Variants in STOX2 observed in about 807,000 individuals in gnomAD.
The protein encoded by STOX2 is storkhead box 2.
In STOX2, 28 loss-of-function variants were observed where a neutral mutation model predicts 60.9. The observed-to-expected ratio is 0.46, with a 90% CI of 0.34 to 0.63. The LOEUF (loss-of-function observed/expected upper bound fraction) is 0.63, where lower values mean the gene tolerates loss of function less well. Ranked by LOEUF, STOX2 falls within the 30% of genes least tolerant of loss-of-function variation. The pLI, the probability that STOX2 is intolerant of heterozygous loss-of-function variation, is 0.01. For missense variants in STOX2, 1,024 were observed against 1,187.7 expected, an observed-to-expected ratio of 0.86 and a Z score of 2.03; for synonymous variants, 472 against 463.9, an observed-to-expected ratio of 1.02 and a Z score of -0.22.
chr4:183,997,361 G>A (rs1733386101), intron 1 of STOX2, among the ~76,000 whole-genome samples: 1 of 152,214 alleles, frequency 6.6e-6, no homozygotes, highest in Admixed American at 6.5e-5. Flanking sequence ...GTCGTGAGTG[G>A]CAAGTAAGGA....
intron 1 of STOX2, among the ~76,000 whole-genome samples, chr4:183,838,883 C>T (rs1387753761): frequency 6.6e-6 from 1 of 152,206 alleles, no homozygotes; most frequent in Non-Finnish European, 1.5e-5. Context: ...TTGCAGAAGT[C>T]TTCACTTTGG....
intron 1 of STOX2, among the ~76,000 whole-genome samples, chr4:183,957,552 A>C (rs1743286801): frequency 6.6e-6 from 1 of 152,076 alleles, no homozygotes; most frequent in Non-Finnish European, 1.5e-5. Flanking sequence ...GCCATAATGG[A>C]CTCATGGATT....
intron 1 of STOX2, among the ~76,000 whole-genome samples, chr4:183,918,631 T>C (rs1742000595): frequency 6.6e-6 from 1 of 152,218 alleles, no homozygotes; most frequent in Non-Finnish European, 1.5e-5. Flanking sequence ...GTAGGCTCTC[T>C]CCTGCCAACC....
intron 1 of STOX2, among the ~76,000 whole-genome samples, chr4:183,943,363 T>G (rs184358435): frequency 2.2e-4 from 33 of 152,356 alleles, no homozygotes; most frequent in Admixed American, 2.2e-3. Context: ...ATAGTTTTTC[T>G]AGAATAAATC....
intron 1 of STOX2, among the ~76,000 whole-genome samples, chr4:183,898,851 G>A (rs1579388594): frequency 6.6e-6 from 1 of 152,188 alleles, no homozygotes; most frequent in African/African-American, 2.4e-5. Flanking sequence ...TTAGCAAGAA[G>A]AAAAATGTGT....
chr4:183,906,906 G>A lies in STOX2; in HGVS notation c.116G>A (p.Arg39His), dbSNP rs1741633402. 1.5e-5 allele frequency: 23 copies of A among 1,550,120 alleles called. No individual in the cohort carries two copies. The highest frequency in any genetic ancestry group is 1.8e-5 in the Non-Finnish European group (21 of 1,146,186). The change falls in exon 1 of 4, where the codon CGT becomes CAT. Residue 39 changes from arginine to histidine, a missense_variant. Physicochemically the swap from Arg to His is conservative, Grantham distance 29. Around this residue, in one of 3 missense-constraint regions of STOX2, gnomAD observed 98 missense variants for 110.2 expected, o/e 0.89. Transcript: ENST00000308497. ...RSEKDYRLHK[R>H]FPAAFAPQAS... ...GAGAAGGACTACCGCCTGCACAAGCGTTTCCCCGCGGCCTTCGCGCCCCAG... is the reference window on the plus strand; with the variant it reads ...GAGAAGGACTACCGCCTGCACAAGCATTTCCCCGCGGCCTTCGCGCCCCAG...
At chr4:183,892,410 C>T (rs1025494561) in intron 1 of STOX2, among the ~76,000 whole-genome samples, 3 of 152,146 alleles carry the variant, frequency 2.0e-5, no homozygotes, top group Non-Finnish European at 4.4e-5. Context: ...TCCCGAGTAG[C>T]TGGGACTATG....
At chr4:183,989,085 C>T (rs1246401486) in intron 1 of STOX2, among the ~76,000 whole-genome samples, 1 of 152,096 alleles carries the variant, frequency 6.6e-6, no homozygotes, top group Non-Finnish European at 1.5e-5. Flanking sequence ...AATCAGACTG[C>T]CCCAGATTTC....
At chr4:183,975,649 T>C (rs1028504319) in intron 1 of STOX2, among the ~76,000 whole-genome samples, 3 of 152,176 alleles carry the variant, frequency 2.0e-5, no homozygotes, top group African/African-American at 7.2e-5. Context: ...ATAAATTCAA[T>C]GTATAATTAG....
chr4:183,831,452 TTA>T (rs1372363736), intron 1 of STOX2, among the ~76,000 whole-genome samples: 6 of 151,872 alleles, frequency 4.0e-5, no homozygotes, highest in African/African-American at 1.5e-4. Context: ...ACCATGAACA[TTA>T]GTTCATGAAC....
chr4:183,904,789 C>A (rs1741542697), upstream of STOX2, among the ~76,000 whole-genome samples: 2 of 152,312 alleles, frequency 1.3e-5, no homozygotes, highest in South Asian at 2.1e-4. Flanking sequence ...ATAGTTGCTA[C>A]CCCCCTCAAA....
In STOX2 at chr4:183,811,517, T is replaced by A. The variant is rs537577620; in HGVS notation, c.364+13462T>A. Among the ~76,000 whole-genome samples the A allele has an allele frequency of 3.3e-5, 5 of 152,358 alleles. No homozygotes were observed. The South Asian group carries it at 1.0e-3, about 32-fold the overall frequency. The stretch of plus-strand genomic sequence containing the variant: ...TGTCACATGCTTCTCCTGTTTTAAA[T>A]CTTCCATCTCCTTCATGTGGAAGAG... On this transcript the variant is annotated intron_variant, in intron 1 of 2. Transcript: ENST00000513034.
At chr4:183,875,480 C>T (rs988863017) in intron 1 of STOX2, among the ~76,000 whole-genome samples, 48 of 152,140 alleles carry the variant, frequency 3.2e-4, no homozygotes, top group Admixed American at 5.2e-4. Context: ...TATGGAGGAG[C>T]CTGTGATAGT....
chr4:183,812,521 T>A (rs572231059), intron 1 of STOX2, among the ~76,000 whole-genome samples: 435 of 152,328 alleles, frequency 2.9e-3, no homozygotes, highest in Non-Finnish European at 4.7e-3. Flanking sequence ...AGTTTATTAG[T>A]AGAAACTCAG....
intron 1 of STOX2, among the ~76,000 whole-genome samples, chr4:183,908,988 G>C (rs1741702901): frequency 6.6e-6 from 1 of 152,210 alleles, no homozygotes; most frequent in Admixed American, 6.5e-5. Flanking sequence ...CTTGCCCAGG[G>C]AGGGAGGCTT....
chr4:183,960,734 T>C lies in STOX2; in HGVS notation c.167-40591T>C, dbSNP rs541007688. On this transcript the variant is annotated intron_variant, in intron 1 of 3. Coordinates refer to ENST00000308497, the MANE Select transcript of STOX2 (RefSeq NM_020225.3). The stretch of plus-strand genomic sequence containing the variant: ...AAGGGGGATGTAAAGAGTGTCGGAT[T>C]TGCTTGGTCAGGAGGTTTAGTTCAT... Among the ~76,000 whole-genome samples, 218 of 152,328 alleles carry C rather than the reference T, an allele frequency of 1.4e-3. 1 individual carries two copies. The highest frequency in any genetic ancestry group is 4.7e-3 in the African/African-American group (195 of 41,588).
In STOX2 at chr4:183,994,164, C is replaced by T. The variant is rs144313687; in HGVS notation, c.167-7161C>T. ...TTAAGATAAAACTTGGCGAAAGAAT[C>T]GTTTTCTGAAGAGTGTGCGGAGAGG... On this transcript the variant is annotated intron_variant, in intron 1 of 3. Transcript: ENST00000308497. Among the ~76,000 whole-genome samples the T allele has an allele frequency of 5.9e-5, 9 of 152,268 alleles. No individual in the cohort carries two copies. In the East Asian group the frequency reaches 1.5e-3, roughly 26 times the overall value.
rs58103030 is a variant in STOX2 at position 183,815,159 on chromosome 4, AT to A, written c.364+17116del. On this transcript the variant is annotated intron_variant, in intron 1 of 2. Transcript: ENST00000513034. ...AGGTGTCCACCACCATGCCCAGCTA[AT>A]TTTTTTTTTTTATTTTAATAGAGAA... Among the ~76,000 whole-genome samples the A allele has an allele frequency of 9.1e-3, 1,341 of 146,952 alleles. 24 individuals are homozygous for A. The highest frequency in any genetic ancestry group is 0.029 in the African/African-American group (1,175 of 40,282).
rs1734075925 is a variant in STOX2, at chr4:184,010,086, C to T, written c.1248C>T (p.His416=). The change falls in exon 3 of 4, where the codon CAC becomes CAT. Residue 416 remains histidine, a synonymous_variant. Coordinates refer to ENST00000308497, the MANE Select transcript of STOX2 (RefSeq NM_020225.3). This position sits in a 1 kb window ranked among gnomAD's most constrained non-coding sequence, Gnocchi z 4.5. ...GGGAGGGCTGCTTCATCATTGAACA[C>T]AAAGGAGATAACTTCATCATGCACA... ...VPREGCFIIE[H]KGDNFIMHSN... 6.2e-7 allele frequency: 1 copy of T among 1,608,002 alleles called. No homozygotes were observed.
Sources: gnomAD v4.1 joint callset for allele counts (sites outside exome capture counted in the v4.1 genomes callset) on GRCh38, gnomAD v4.1.1 for gene constraint, gnomAD v4.1.1 regional missense constraint, Gnocchi (gnomAD v3.1) non-coding constraint, MANE v1.5 for transcripts, NCBI Gene and HGNC (gene_info 2026-07-23, HGNC 2026-07-21) for gene names.